PABPC1: variants seen among roughly 807,000 people sequenced by gnomAD.
PABPC1 encodes the protein poly(A) binding protein cytoplasmic 1, also known as polyadenylate-binding protein 1.
Under a neutral mutation model 74.0 loss-of-function variants are expected in PABPC1, and 4 were observed. The observed-to-expected ratio is 0.05, with a 90% CI of 0.03 to 0.12. The LOEUF (loss-of-function observed/expected upper bound fraction) is 0.12. PABPC1 is among the 10% of genes least tolerant of loss of function. The pLI is 1.00. For missense variants in PABPC1, 271 were observed against 821.1 expected (o/e 0.33, Z 8.19); for synonymous variants, 227 against 264.1 (o/e 0.86, Z 1.36).
Position 100,721,326 on chromosome 8 carries a change from C to T in PABPC1, c.193+65G>A. 1.1e-6 allele frequency: 1 copy of T among 908,360 alleles called. No homozygotes were observed. The highest frequency in any genetic ancestry group is 1.4e-6 in the Non-Finnish European group (1 of 719,700). The allele number at this position is 908,360 out of a possible 1,614,324, so 56.3% of individuals were successfully genotyped here. On this transcript the variant is annotated intron_variant, in intron 1 of 14. Transcript: ENST00000318607. The surrounding 1 kb of genome is among the most constrained non-coding windows in gnomAD (Gnocchi z 7.4). ...CCCGGGCCCGCCGGCCTACCCCGCC[C>T]GCCGCCGCCGCCCGAGCCTCATGGC... is the stretch of plus-strand genomic sequence containing the variant.
intron 11 of PABPC1, 147 bp from the exon 12 acceptor site, chr8:100,705,820 A>G: frequency 1.5e-6 from 1 of 647,326 alleles, no homozygotes; most frequent in Non-Finnish European, 2.8e-6. Flanking sequence ...AAGAAGCCAA[A>G]GTAGTTATTA....
chr8:100,720,501 T>C (rs554547475), intron 1 of PABPC1, among the ~76,000 whole-genome samples: 42 of 152,328 alleles, frequency 2.8e-4, no homozygotes, highest in Non-Finnish European at 4.9e-4. Flanking sequence ...TAACATTTTA[T>C]AGCCAAAGTT....
intron 9 of PABPC1, among the ~76,000 whole-genome samples, chr8:100,707,651 C>T (rs1182856885): frequency 1.3e-5 from 2 of 152,192 alleles, no homozygotes; most frequent in Non-Finnish European, 2.9e-5. Context: ...AGGAGCGTGA[C>T]CACTGAAGCA....
intron 7 of PABPC1, among the ~76,000 whole-genome samples, chr8:100,711,769 G>C (rs1031945738): frequency 6.6e-6 from 1 of 151,298 alleles, no homozygotes; most frequent in African/African-American, 2.5e-5. Flanking sequence ...CGTCATTCCA[G>C]TTCAGTTGAG....
chr8:100,707,440 T>G (rs934830321), intron 9 of PABPC1, among the ~76,000 whole-genome samples: 1 of 152,002 alleles, frequency 6.6e-6, no homozygotes, highest in Non-Finnish European at 1.5e-5. Context: ...CAATGATAGG[T>G]AAGGTCACGT....
intron 1 of PABPC1, among the ~76,000 whole-genome samples, chr8:100,720,931 G>GTTCA (rs750077327): frequency 6.6e-6 from 1 of 152,220 alleles, no homozygotes; most frequent in Non-Finnish European, 1.5e-5. Flanking sequence ...AGGTTACAGG[G>GTTCA]TTCAACACGT....
chr8:100,703,899 A>C (rs1810310885), intron 14 of PABPC1, among the ~76,000 whole-genome samples: 1 of 152,098 alleles, frequency 6.6e-6, no homozygotes, highest in Admixed American at 6.6e-5. Flanking sequence ...AAAATACAAA[A>C]ATTAGCTGGG....
intron 7 of PABPC1, among the ~76,000 whole-genome samples, chr8:100,710,150 T>C (rs1389896235): frequency 7.1e-6 from 1 of 140,028 alleles, no homozygotes; most frequent in Non-Finnish European, 1.6e-5. Flanking sequence ...CACTATGCCT[T>C]TGAGAAAAAA....
Position 100,721,911 on chromosome 8 carries a change from A to C in PABPC1, c.-328T>G, listed in dbSNP as rs1587175471. 7.7e-6 allele frequency: 2 copies of C among 260,942 alleles called. No homozygotes were observed. Among genetic ancestry groups the C allele is most frequent in the Admixed American group, 1.1e-4 (2 of 18,444 alleles). 16.2% of individuals were successfully genotyped at this position (260,942 alleles called of 1,614,324 possible). Reference sequence around the variant, plus strand: ...GCTGCTTCACCGGGTTATTTTATAAAAGAGGAAGAAAAAAAATAAAAGTCT... The same window carrying C: ...GCTGCTTCACCGGGTTATTTTATAACAGAGGAAGAAAAAAAATAAAAGTCT... On this transcript the variant is annotated 5_prime_UTR_variant, in exon 1 of 15. Coordinates refer to ENST00000318607, the MANE Select transcript of PABPC1 (RefSeq NM_002568.4). The surrounding 1 kb of genome is among the most constrained non-coding windows in gnomAD (Gnocchi z 7.4).
In PABPC1 at chr8:100,721,195, T is replaced by C. The variant is rs978117998; in HGVS notation, c.193+196A>G. ...GCAAAGGAGGAAGTAGCCGGGCGTG[T>C]GGCTGCCGGCAGCGCGGGTCCCCGC... On this transcript the variant is annotated intron_variant, in intron 1 of 14. Transcript: ENST00000318607. This position sits in a 1 kb window ranked among gnomAD's most constrained non-coding sequence, Gnocchi z 7.4. Among the ~76,000 whole-genome samples, 22 of 151,978 alleles carry C rather than the reference T, an allele frequency of 1.4e-4. No individual in the cohort carries two copies. The highest frequency in any genetic ancestry group is 4.8e-4 in the African/African-American group (20 of 41,534).
At chr8:100,714,768 T>C (rs1298529185) in intron 4 of PABPC1, among the ~76,000 whole-genome samples, 1 of 152,102 alleles carries the variant, frequency 6.6e-6, no homozygotes, top group African/African-American at 2.4e-5. Context: ...ATTTGACATA[T>C]TAAAAAAAGC....
At chr8:100,703,826 G>C (rs1046900763) in intron 14 of PABPC1, among the ~76,000 whole-genome samples, 5 of 152,100 alleles carry the variant, frequency 3.3e-5, no homozygotes, top group African/African-American at 1.2e-4. Context: ...GAGGTGGGCG[G>C]ATCACTTGAG....
intron 1 of PABPC1, among the ~76,000 whole-genome samples, chr8:100,719,511 A>T (rs1333798787): frequency 6.6e-6 from 1 of 152,070 alleles, no homozygotes; most frequent in African/African-American, 2.4e-5. Flanking sequence ...ATAAGTTTTT[A>T]AAAAAGAACA....
rs138307186 is a variant in PABPC1, at chr8:100,705,617, G to T, written c.1659C>A (p.Ala553=). The T allele has an allele frequency of 4.3e-5, 70 of 1,613,600 alleles. No individual in the cohort carries two copies. Among genetic ancestry groups the T allele is most frequent in the Non-Finnish European group, 5.5e-5 (65 of 1,179,706 alleles). ...ACATTTGCTTTTGCTCTTGAGGAGG[G>T]GCAGATGCCAACATGGAAGCAGTCA... ...EPLTASMLAS[A]PPQEQKQMLG... The change falls in exon 12 of 15, where the codon GCC becomes GCA. Residue 553 remains alanine, a synonymous_variant. Coordinates refer to ENST00000318607, the MANE Select transcript of PABPC1 (RefSeq NM_002568.4).
intron 3 of PABPC1, among the ~76,000 whole-genome samples, chr8:100,716,449 G>A (rs138559005): frequency 6.6e-6 from 1 of 152,212 alleles, no homozygotes; most frequent in African/African-American, 2.4e-5. Flanking sequence ...TAGCACATGT[G>A]TCATAGCATA....
At chr8:100,716,653 T>C (rs1810678202) in intron 3 of PABPC1, among the ~76,000 whole-genome samples, 1 of 152,236 alleles carries the variant, frequency 6.6e-6, no homozygotes, top group Admixed American at 6.5e-5. Context: ...GCGTATTTCA[T>C]TGTGACCATC....
intron 4 of PABPC1, among the ~76,000 whole-genome samples, 164 bp downstream of exon 4, chr8:100,715,298 T>C (rs543834240): frequency 2.0e-5 from 3 of 152,370 alleles, no homozygotes; most frequent in Non-Finnish European, 4.4e-5. Flanking sequence ...TACTACTTTG[T>C]AGTGTAATAG....
intron 9 of PABPC1, among the ~76,000 whole-genome samples, chr8:100,708,442 T>C (rs1329629933): frequency 6.6e-6 from 1 of 151,672 alleles, no homozygotes; most frequent in African/African-American, 2.4e-5. Context: ...GAAGAAAGAG[T>C]GAGACTCTGT....
At chr8:100,717,309 T>C (rs1406526419) in intron 3 of PABPC1, among the ~76,000 whole-genome samples, 1 of 152,206 alleles carries the variant, frequency 6.6e-6, no homozygotes, top group East Asian at 1.9e-4. Context: ...GCGCCCGGAC[T>C]TGTGAGTAAT....
Sources: gnomAD v4.1 joint callset for allele counts (sites outside exome capture counted in the v4.1 genomes callset) on GRCh38, gnomAD v4.1.1 for gene constraint, Gnocchi (gnomAD v3.1) non-coding constraint, MANE v1.5 for transcripts, NCBI Gene and HGNC (gene_info 2026-07-23, HGNC 2026-07-21) for gene names.